KCNH7: variants seen among roughly 807,000 people sequenced by gnomAD.
KCNH7 encodes voltage-gated inwardly rectifying potassium channel KCNH7.
In KCNH7, 49 loss-of-function variants were observed where a neutral mutation model predicts 120.8. That is an observed-to-expected ratio of 0.41 (90% CI 0.32 to 0.51). The LOEUF is 0.51. Among genes scored for constraint, KCNH7 ranks in the 20% least tolerant of loss-of-function variants. The pLI is 0.38. For missense variants in KCNH7, 1,097 were observed against 1,446.6 expected (o/e 0.76, Z 3.92); for synonymous variants, 547 against 516.1 (o/e 1.06, Z -0.81).
intron 6 of KCNH7, among the ~76,000 whole-genome samples, chr2:162,503,565 G>T (rs1290786168): frequency 6.6e-6 from 1 of 151,964 alleles, no homozygotes; most frequent in Non-Finnish European, 1.5e-5. Flanking sequence ...CACATAAGAG[G>T]TTATCTGGAA....
intron 8 of KCNH7, among the ~76,000 whole-genome samples, chr2:162,429,498 A>G (rs1687997652): frequency 6.9e-6 from 1 of 144,210 alleles, no homozygotes; most frequent in Admixed American, 7.5e-5. Context: ...GAACTTTATC[A>G]TTTCTTGTAG....
chr2:162,575,071 G>C (rs1009132128), intron 2 of KCNH7, among the ~76,000 whole-genome samples: 3 of 152,016 alleles, frequency 2.0e-5, no homozygotes, highest in African/African-American at 7.2e-5. Flanking sequence ...ATTCATACCA[G>C]GTCTTGCCTC....
At chr2:162,768,309 C>A (rs1337155140) in intron 2 of KCNH7, among the ~76,000 whole-genome samples, 1 of 150,844 alleles carries the variant, frequency 6.6e-6, no homozygotes, top group Non-Finnish European at 1.5e-5. Context: ...AAATTGTAAT[C>A]GTTTTGGACA....
At chr2:162,640,838 A>G (rs995560466) in intron 2 of KCNH7, among the ~76,000 whole-genome samples, 7 of 152,186 alleles carry the variant, frequency 4.6e-5, no homozygotes, top group Admixed American at 6.6e-5. Flanking sequence ...CTAGTGAAAG[A>G]AACAAACAAC....
intron 1 of KCNH7, 81 bp from the exon 2 acceptor site, chr2:162,836,848 T>C: frequency 1.0e-6 from 1 of 988,760 alleles, no homozygotes; most frequent in South Asian, 1.5e-5. Context: ...TGTTGCATAA[T>C]AAGAGCTCTG....
intron 2 of KCNH7, among the ~76,000 whole-genome samples, chr2:162,545,673 T>C (rs928568065): frequency 6.6e-6 from 1 of 152,186 alleles, no homozygotes; most frequent in African/African-American, 2.4e-5. Context: ...AGATTATTGC[T>C]AAATAAAATA....
At chr2:162,657,529 T>G (rs1374807941) in intron 2 of KCNH7, among the ~76,000 whole-genome samples, 4 of 152,214 alleles carry the variant, frequency 2.6e-5, no homozygotes, top group Admixed American at 1.3e-4. Flanking sequence ...AGCTTTTTAT[T>G]GCTGAATAAT....
intron 2 of KCNH7, among the ~76,000 whole-genome samples, chr2:162,684,031 C>G (rs1296561982): frequency 6.6e-6 from 1 of 152,018 alleles, no homozygotes; most frequent in African/African-American, 2.4e-5. Flanking sequence ...ACAGAGGCCT[C>G]AGAAATAATG....
intron 2 of KCNH7, among the ~76,000 whole-genome samples, chr2:162,646,792 G>T (rs1274864462): frequency 6.6e-6 from 1 of 152,166 alleles, no homozygotes; most frequent in Non-Finnish European, 1.5e-5. Flanking sequence ...ACTAGATGCT[G>T]CCAACAACCT....
chr2:162,504,814 C>G (rs1165221239), intron 5 of KCNH7, among the ~76,000 whole-genome samples, 157 bp from the exon 6 acceptor site: 1 of 151,878 alleles, frequency 6.6e-6, no homozygotes, highest in Non-Finnish European at 1.5e-5. Context: ...CTTAGGGTCA[C>G]CTTGGGCCAC....
At chr2:162,547,254 C>G (rs1692511839) in intron 2 of KCNH7, among the ~76,000 whole-genome samples, 1 of 152,162 alleles carries the variant, frequency 6.6e-6, no homozygotes, top group Admixed American at 6.5e-5. Flanking sequence ...CCCACCAGGT[C>G]TCTCTCTGGG....
intron 2 of KCNH7, among the ~76,000 whole-genome samples, chr2:162,686,953 A>G (rs576757399): frequency 6.6e-6 from 1 of 152,256 alleles, no homozygotes; most frequent in South Asian, 2.1e-4. Context: ...TTTAGAAGAA[A>G]GTATTTCTGT....
At chr2:162,782,499 C>T (rs904874008) in intron 2 of KCNH7, among the ~76,000 whole-genome samples, 1 of 152,094 alleles carries the variant, frequency 6.6e-6, no homozygotes, top group African/African-American at 2.4e-5. Context: ...TTTCAAGGAA[C>T]AATGAGAAGG....
At chr2:162,415,870 A>G (rs1687527643) in intron 9 of KCNH7, among the ~76,000 whole-genome samples, 1 of 152,132 alleles carries the variant, frequency 6.6e-6, no homozygotes, top group Non-Finnish European at 1.5e-5. Context: ...CACTGTCTAC[A>G]TGCTTCCACT....
intron 2 of KCNH7, among the ~76,000 whole-genome samples, chr2:162,628,254 A>G (rs1189384689): frequency 6.6e-6 from 1 of 152,150 alleles, no homozygotes; most frequent in Non-Finnish European, 1.5e-5. Context: ...AGATTTACTG[A>G]TCCATAGAAC....
chr2:162,548,830 A>T (rs1316523015), intron 2 of KCNH7, among the ~76,000 whole-genome samples: 4 of 152,222 alleles, frequency 2.6e-5, no homozygotes, highest in Non-Finnish European at 5.9e-5. Context: ...TGATTAAATA[A>T]GCAGTATCTG....
At position 162,601,399 on chromosome 2, in the gene KCNH7, CTTTTTTTTT is replaced by C. The variant is rs60201823; in HGVS notation, c.308-64328_308-64320del. Among the ~76,000 whole-genome samples the C allele has an allele frequency of 2.8e-3, 27 of 9,604 alleles. 1 individual carries two copies. Among genetic ancestry groups the C allele is most frequent in the Admixed American group, 0.028 (13 of 466 alleles). 6.3% of individuals were successfully genotyped at this position (9,604 alleles called of 152,430 possible). ...AAATTTTAAAAAAGTACTTCTTGTG[CTTTTTTTTT>C]TTTTTTTTTTTTTTTTTTGCTTACT... On this transcript the variant is annotated intron_variant, in intron 2 of 15. Transcript: ENST00000332142.
chr2:162,717,307 G>C (rs1402966313), intron 2 of KCNH7, among the ~76,000 whole-genome samples: 1 of 152,074 alleles, frequency 6.6e-6, no homozygotes, highest in Non-Finnish European at 1.5e-5. Flanking sequence ...CATTTGGCAG[G>C]TGGGGATCCA....
At chr2:162,560,935 G>A (rs1349917582) in intron 2 of KCNH7, among the ~76,000 whole-genome samples, 1 of 152,146 alleles carries the variant, frequency 6.6e-6, no homozygotes, top group Non-Finnish European at 1.5e-5. Flanking sequence ...AAGTATGAAG[G>A]CCATTTTCCC....
Sources: gnomAD v4.1 joint callset for allele counts (sites outside exome capture counted in the v4.1 genomes callset) on GRCh38, gnomAD v4.1.1 for gene constraint, MANE v1.5 for transcripts, NCBI Gene and HGNC (gene_info 2026-07-23, HGNC 2026-07-21) for gene names.